The following PHLDB2 variants were observed in gnomAD, a reference collection of about 807,000 sequenced individuals.
The protein encoded by PHLDB2 is pleckstrin homology-like domain family B member 2.
A neutral mutation model predicts 123.6 loss-of-function variants in PHLDB2; 71 were observed. The ratio of observed to expected loss-of-function variants is 0.57; its 90% CI spans 0.47 to 0.70. The LOEUF is 0.70. Ranked by LOEUF, PHLDB2 falls within the 30% of genes least tolerant of loss-of-function variation. The probability of loss-of-function intolerance (pLI) is 0.00; values close to 1 mark genes in which losing one functional copy is unlikely to be tolerated. For missense variants in PHLDB2, 1,446 were observed against 1,519.5 expected, an observed-to-expected ratio of 0.95 and a Z score of 0.80; for synonymous variants, 547 against 541.6, an observed-to-expected ratio of 1.01 and a Z score of -0.14.
intron 16 of PHLDB2, among the ~76,000 whole-genome samples, chr3:111,972,973 A>T (rs1455085461): frequency 6.6e-6 from 1 of 152,170 alleles, no homozygotes; most frequent in Non-Finnish European, 1.5e-5. Context: ...CTAGGGTATG[A>T]TAGAGTCTCT....
chr3:111,837,627 G>T (rs991993306), intron 1 of PHLDB2, among the ~76,000 whole-genome samples: 3 of 152,138 alleles, frequency 2.0e-5, no homozygotes, highest in African/African-American at 7.2e-5. Flanking sequence ...AAACTCCTTA[G>T]TTTTTTTATG....
At chr3:111,816,048 T>A (rs1278698599) in intron 1 of PHLDB2, among the ~76,000 whole-genome samples, 1 of 151,998 alleles carries the variant, frequency 6.6e-6, no homozygotes, top group African/African-American at 2.4e-5. Context: ...AGCCTGCGAG[T>A]GAACAGAAAT....
At chr3:111,850,907 T>A (rs1483195507) in intron 2 of PHLDB2, among the ~76,000 whole-genome samples, 1 of 152,020 alleles carries the variant, frequency 6.6e-6, no homozygotes, top group East Asian at 1.9e-4. Context: ...TATAAAATAA[T>A]GTTTTTGGCC....
intron 2 of PHLDB2, among the ~76,000 whole-genome samples, chr3:111,903,753 G>A (rs1405962783): frequency 1.3e-5 from 2 of 152,114 alleles, no homozygotes; most frequent in African/African-American, 4.8e-5. Flanking sequence ...CTTTAGACTT[G>A]AAAGCACATA....
intron 1 of PHLDB2, among the ~76,000 whole-genome samples, chr3:111,832,581 A>G (rs1255196873): frequency 6.8e-6 from 1 of 146,164 alleles, no homozygotes; most frequent in African/African-American, 2.5e-5. Flanking sequence ...TAATGCCATT[A>G]TATATGTAAT....
intron 1 of PHLDB2, among the ~76,000 whole-genome samples, chr3:111,791,424 G>A (rs1157636200): frequency 6.6e-6 from 1 of 152,136 alleles, no homozygotes. Context: ...CATTGTTAGT[G>A]CCCCCATTTT....
intron 1 of PHLDB2, among the ~76,000 whole-genome samples, chr3:111,836,752 C>CA (rs1405441520): frequency 6.6e-6 from 1 of 152,106 alleles, no homozygotes; most frequent in African/African-American, 2.4e-5. Context: ...TACATGGTGA[C>CA]AGGAGGTGAG....
intron 1 of PHLDB2, among the ~76,000 whole-genome samples, chr3:111,780,322 GA>G (rs2060377728): frequency 1.9e-4 from 1 of 5,380 alleles, no homozygotes; most frequent in African/African-American, 2.8e-4. Context: ...AGAGGAAGAG[GA>G]AGAAGAAGAA....
chr3:111,830,615 C>G (rs1386258520), intron 1 of PHLDB2, among the ~76,000 whole-genome samples: 1 of 149,300 alleles, frequency 6.7e-6, no homozygotes, highest in East Asian at 2.0e-4. Context: ...CGAGACCATC[C>G]CGGCTAAAAC....
chr3:111,749,487 T>C (rs1486993080), intron 1 of PHLDB2, among the ~76,000 whole-genome samples: 2 of 152,256 alleles, frequency 1.3e-5, no homozygotes, highest in Non-Finnish European at 2.9e-5. Flanking sequence ...ACTACCCTGT[T>C]ACAATAATAT....
chr3:111,753,136 T>A (rs2059813981), intron 1 of PHLDB2, among the ~76,000 whole-genome samples: 2 of 151,802 alleles, frequency 1.3e-5, no homozygotes, highest in Admixed American at 1.3e-4. Flanking sequence ...TATAGCAGCA[T>A]GATTTATAGT....
rs565883333 is a variant in PHLDB2 at position 111,913,310 on chromosome 3, G to C, written c.1336-9G>C. Reference sequence around the variant, plus strand: ...ACCCACTGACCTCCCCCTCCTCCCTGTGTTCCAGGAGAGACAGCGTCTGGA... The same window carrying C: ...ACCCACTGACCTCCCCCTCCTCCCTCTGTTCCAGGAGAGACAGCGTCTGGA... On this transcript the variant is annotated splice_polypyrimidine_tract_variant and intron_variant, in intron 2 of 17. Coordinates refer to ENST00000431670, the MANE Select transcript of PHLDB2 (RefSeq NM_001134438.2). 6.4e-7 allele frequency: 1 copy of C among 1,569,144 alleles called. No homozygotes were observed. The highest frequency in any genetic ancestry group is 2.2e-5 in the East Asian group (1 of 44,604).
At chr3:111,937,776 T>TA (rs892373135) in intron 6 of PHLDB2, among the ~76,000 whole-genome samples, 46 of 119,712 alleles carry the variant, frequency 3.8e-4, no homozygotes, top group African/African-American at 8.1e-4. Flanking sequence ...CCCTGTCTTC[T>TA]AAAAAAAAAA....
chr3:111,820,452 A>T (rs915462638), intron 1 of PHLDB2, among the ~76,000 whole-genome samples: 3 of 152,198 alleles, frequency 2.0e-5, no homozygotes, highest in Non-Finnish European at 4.4e-5. Context: ...CACTATAGTG[A>T]TGCAAGGAAA....
rs572665731 is a variant in PHLDB2 at position 111,926,430 on chromosome 3, T to A, written c.2002-5839T>A. Among the ~76,000 whole-genome samples, 3 of 152,304 alleles carry A rather than the reference T, an allele frequency of 2.0e-5. No individual in the cohort carries two copies. In the East Asian group the frequency reaches 5.8e-4, roughly 29 times the overall value. ...TCAGTGTGCAGCAGGGACCCAGCCC[T>A]TCCCGTGCCTCTTTCTTACATTTCA... On this transcript the variant is annotated intron_variant, in intron 5 of 17. Transcript: ENST00000431670.
chr3:111,962,095 G>C lies in PHLDB2; in HGVS notation c.2873-13G>C, dbSNP rs1232072401. The C allele has an allele frequency of 6.4e-7, 1 of 1,573,182 alleles. No individual in the cohort carries two copies. Among genetic ancestry groups the C allele is most frequent in the Non-Finnish European group, 8.6e-7 (1 of 1,168,128 alleles). ...AATGAGGCAAACTAACATATTTATGGCTCCTTCCTTAGGTTATAATCACCA... is the reference window on the plus strand; with the variant it reads ...AATGAGGCAAACTAACATATTTATGCCTCCTTCCTTAGGTTATAATCACCA... On this transcript the variant is annotated splice_polypyrimidine_tract_variant and intron_variant, in intron 12 of 17. Transcript: ENST00000431670.
At chr3:111,820,078 T>C (rs1243870467) in intron 1 of PHLDB2, among the ~76,000 whole-genome samples, 1 of 152,208 alleles carries the variant, frequency 6.6e-6, no homozygotes, top group Non-Finnish European at 1.5e-5. Flanking sequence ...TTCCTCTTTG[T>C]TTTTCTTGAG....
At chr3:111,758,391 C>T (rs1341745446) in intron 1 of PHLDB2, among the ~76,000 whole-genome samples, 2 of 152,204 alleles carry the variant, frequency 1.3e-5, no homozygotes, top group African/African-American at 4.8e-5. Context: ...ACTCTGTGGG[C>T]ATAGGACCCT....
intron 1 of PHLDB2, among the ~76,000 whole-genome samples, chr3:111,826,767 G>T (rs2062673026): frequency 6.6e-6 from 1 of 151,822 alleles, no homozygotes; most frequent in Admixed American, 6.6e-5. Context: ...GTGGGAGTGG[G>T]TGCAGGGAGT....
Sources: gnomAD v4.1 joint callset for allele counts (sites outside exome capture counted in the v4.1 genomes callset) on GRCh38, gnomAD v4.1.1 for gene constraint, MANE v1.5 for transcripts, NCBI Gene and HGNC (gene_info 2026-07-23, HGNC 2026-07-21) for gene names.